IPCEF1: variants seen among roughly 807,000 people sequenced by gnomAD.
The protein encoded by IPCEF1 is interaction protein for cytohesin exchange factors 1, also known as interactor protein for cytohesin exchange factors 1.
IPCEF1 carries 31 observed loss-of-function variants against 50.9 expected under a neutral mutation model. The ratio of observed to expected loss-of-function variants is 0.61; its 90% CI spans 0.46 to 0.82. IPCEF1 has a LOEUF of 0.82. IPCEF1 is among the 40% of genes least tolerant of loss of function. The pLI is 0.00. For missense variants in IPCEF1, 458 were observed against 514.0 expected, an observed-to-expected ratio of 0.89 and a Z score of 1.05; for synonymous variants, 181 against 192.0, an observed-to-expected ratio of 0.94 and a Z score of 0.47.
chr6:154,226,064 C>T (rs1779225453), intron 5 of IPCEF1, among the ~76,000 whole-genome samples: 1 of 152,188 alleles, frequency 6.6e-6, no homozygotes, highest in Non-Finnish European at 1.5e-5. Flanking sequence ...GCCTTCTTCT[C>T]TTTCAGGGGT....
intron 5 of IPCEF1, among the ~76,000 whole-genome samples, chr6:154,245,175 G>C (rs115817674): frequency 2.5e-4 from 38 of 152,156 alleles, no homozygotes; most frequent in African/African-American, 9.2e-4. Context: ...ATTCAGGAGG[G>C]GAGAAGAAAA....
intron 5 of IPCEF1, among the ~76,000 whole-genome samples, chr6:154,244,189 C>T (rs1780829540): frequency 6.6e-6 from 1 of 152,078 alleles, no homozygotes. Context: ...TCTTATTTCA[C>T]AGTTGGTGTC....
At chr6:154,305,123 A>AAAAAG (rs1554303621) in intron 1 of IPCEF1, among the ~76,000 whole-genome samples, 1 of 151,104 alleles carries the variant, frequency 6.6e-6, no homozygotes, top group African/African-American at 2.5e-5. Flanking sequence ...TCAAAAAAAA[A>AAAAAG]AAAAGAAAAG....
chr6:154,341,695 G>T (rs1354750319), intron 1 of IPCEF1, among the ~76,000 whole-genome samples: 3 of 152,160 alleles, frequency 2.0e-5, no homozygotes, highest in Non-Finnish European at 2.9e-5. Flanking sequence ...CGTAAGGAAA[G>T]ATAAAACTAA....
chr6:154,169,362 C>CAA (rs1799690298), intron 10 of IPCEF1, among the ~76,000 whole-genome samples: 1 of 152,098 alleles, frequency 6.6e-6, no homozygotes, highest in Non-Finnish European at 1.5e-5. Flanking sequence ...CTCTGTCACA[C>CAA]ACACACACAC....
chr6:154,159,425 G>A lies in IPCEF1; in HGVS notation c.*403C>T, dbSNP rs1260452410. The A allele has an allele frequency of 1.1e-5, 2 of 189,652 alleles. No homozygotes were observed. Among genetic ancestry groups the A allele is most frequent in the Non-Finnish European group, 2.1e-5 (2 of 94,010 alleles). 11.7% of individuals were successfully genotyped at this position (189,652 alleles called of 1,614,324 possible). ...GGGCCACACAGCTTCCCAGTCAAGT[G>A]GAATATGTACATTCTTCTTTTGAAA... On this transcript the variant is annotated 3_prime_UTR_variant, in exon 12 of 12. Coordinates refer to ENST00000367220, the MANE Select transcript of IPCEF1 (RefSeq NM_001130700.2).
intron 1 of IPCEF1, among the ~76,000 whole-genome samples, chr6:154,326,800 C>T (rs966186840): frequency 6.6e-6 from 1 of 152,110 alleles, no homozygotes; most frequent in Non-Finnish European, 1.5e-5. Context: ...CATTATGTTA[C>T]CCAACTTCAA....
At chr6:154,276,217 G>C (rs1782054771) in intron 2 of IPCEF1, among the ~76,000 whole-genome samples, 1 of 149,134 alleles carries the variant, frequency 6.7e-6, no homozygotes, top group Non-Finnish European at 1.5e-5. Context: ...AAGAGAGAGA[G>C]AGAGAAAAGG....
chr6:154,252,162 C>G (rs1781351895), intron 3 of IPCEF1, among the ~76,000 whole-genome samples: 2 of 152,010 alleles, frequency 1.3e-5, no homozygotes, highest in South Asian at 4.1e-4. Flanking sequence ...GTCAGATCAC[C>G]CAGAGAATGT....
intron 10 of IPCEF1, 28 bp downstream of exon 10, chr6:154,199,636 TCTAA>T: frequency 6.5e-7 from 1 of 1,545,630 alleles, no homozygotes; most frequent in Non-Finnish European, 8.7e-7. Flanking sequence ...ATATTCACTC[TCTAA>T]CGAAGAATAA....
intron 7 of IPCEF1, among the ~76,000 whole-genome samples, chr6:154,215,250 A>C (rs2128609194): frequency 6.6e-6 from 1 of 152,192 alleles, no homozygotes; most frequent in South Asian, 2.1e-4. Flanking sequence ...ATAATTAGGA[A>C]TCCTTACGCA....
At position 154,199,885 on chromosome 6, in the gene IPCEF1, A is replaced by G. The variant is rs764760200; in HGVS notation, c.693T>C (p.Ala231=). The change falls in exon 10 of 12, where the codon GCT becomes GCC. Residue 231 remains alanine (A), a synonymous_variant. Transcript: ENST00000367220. ...TTATTGGTTGTCCCTCATCTTCAGC[A>G]GCAGACAAACTGTTAACTGTGTCAG... is the stretch of plus-strand genomic sequence containing the variant. ...SLPDTVNSLS[A]AEDEGQPITF... is the part of the protein sequence containing the mutation. The G allele has an allele frequency of 2.5e-6, 4 of 1,614,122 alleles. No individual in the cohort carries two copies. The highest frequency in any genetic ancestry group is 3.4e-6 in the Non-Finnish European group (4 of 1,180,040).
intron 1 of IPCEF1, among the ~76,000 whole-genome samples, chr6:154,305,101 C>T (rs1417458246): frequency 4.1e-5 from 6 of 146,564 alleles, no homozygotes; most frequent in Non-Finnish European, 7.5e-5. Context: ...GCAACAAGAG[C>T]GAAACTCTGT....
In IPCEF1 at chr6:154,168,618, T is replaced by C. The variant is rs556204718; in HGVS notation, c.911-505A>G. ...TAATTAATTAATTTTATTATTATTT[T>C]TTTTGAGACGGAGTTTTACTGCTGT... is the stretch of plus-strand genomic sequence containing the variant. On this transcript the variant is annotated intron_variant, in intron 10 of 11. Transcript: ENST00000367220. This position sits in a 1 kb window ranked among gnomAD's most constrained non-coding sequence, Gnocchi z 4.1. Among the ~76,000 whole-genome samples, 46 of 152,118 alleles carry C rather than the reference T, an allele frequency of 3.0e-4. No homozygotes were observed. The highest frequency in any genetic ancestry group is 5.6e-4 in the Non-Finnish European group (38 of 68,016).
intron 9 of IPCEF1, among the ~76,000 whole-genome samples, 181 bp downstream of exon 9, chr6:154,212,589 A>G (rs563416776): frequency 3.3e-5 from 5 of 152,300 alleles, no homozygotes; most frequent in East Asian, 3.9e-4. Flanking sequence ...TTATCATACC[A>G]CTGGGTTGCT....
intron 1 of IPCEF1, among the ~76,000 whole-genome samples, chr6:154,326,731 A>T (rs1356315159): frequency 6.6e-6 from 1 of 152,196 alleles, no homozygotes; most frequent in Non-Finnish European, 1.5e-5. Context: ...ATTCACATGG[A>T]ACCAAAAAAG....
intron 1 of IPCEF1, among the ~76,000 whole-genome samples, chr6:154,311,913 A>G (rs1163817931): frequency 6.6e-6 from 1 of 152,228 alleles, no homozygotes; most frequent in East Asian, 1.9e-4. Context: ...TTAAAAATAC[A>G]ACTACGATAT....
At chr6:154,202,722 C>T (rs183155013) in intron 9 of IPCEF1, among the ~76,000 whole-genome samples, 3 of 152,262 alleles carry the variant, frequency 2.0e-5, no homozygotes, top group East Asian at 3.9e-4. Context: ...GTTAAATGAG[C>T]ATTAGAAATA....
intron 5 of IPCEF1, among the ~76,000 whole-genome samples, chr6:154,245,987 G>A (rs1781003949): frequency 6.6e-6 from 1 of 152,184 alleles, no homozygotes; most frequent in African/African-American, 2.4e-5. Flanking sequence ...CTTTTCAAAT[G>A]TTGTCTAAGC....
Sources: gnomAD v4.1 joint callset for allele counts (sites outside exome capture counted in the v4.1 genomes callset) on GRCh38, gnomAD v4.1.1 for gene constraint, Gnocchi (gnomAD v3.1) non-coding constraint, MANE v1.5 for transcripts, NCBI Gene and HGNC (gene_info 2026-07-23, HGNC 2026-07-21) for gene names.